Variants in PCDHGA10 observed in about 807,000 individuals in gnomAD.
The protein encoded by PCDHGA10 is protocadherin gamma subfamily A, 10, also known as protocadherin gamma-A10.
Under a neutral mutation model 59.5 loss-of-function variants are expected in PCDHGA10, and 42 were observed. That is an observed-to-expected ratio of 0.71 (90% confidence interval 0.55 to 0.91). PCDHGA10 has a LOEUF of 0.91. PCDHGA10 is among the 40% of genes least tolerant of loss of function. The probability of loss-of-function intolerance (pLI) is 0.00; values close to 1 mark genes in which losing one functional copy is unlikely to be tolerated. For synonymous variants in PCDHGA10, 511 were observed against 517.2 expected (o/e 0.99, Z 0.16); for missense variants, 1,111 against 1,198.2 (o/e 0.93, Z 1.07).
At chr5:141,458,264 G>A (rs1489144612) in intron 1 of PCDHGA10, among the ~76,000 whole-genome samples, 3 of 152,092 alleles carry the variant, frequency 2.0e-5, no homozygotes, top group Non-Finnish European at 2.9e-5. Flanking sequence ...GATGAGTGGA[G>A]GAACAACAGG....
At chr5:141,448,305 A>C (rs910461420) in intron 1 of PCDHGA10, among the ~76,000 whole-genome samples, 1 of 152,092 alleles carries the variant, frequency 6.6e-6, no homozygotes, top group East Asian at 1.9e-4. Context: ...TTAATATCTC[A>C]AGGAATCTTT....
chr5:141,480,970 A>C (rs1189003084), intron 1 of PCDHGA10, among the ~76,000 whole-genome samples: 1 of 152,120 alleles, frequency 6.6e-6, no homozygotes, highest in Non-Finnish European at 1.5e-5. Flanking sequence ...AGTGAGGGAG[A>C]ATCAGTGAAC....
chr5:141,449,147 G>T (rs2098630156), intron 1 of PCDHGA10, among the ~76,000 whole-genome samples: 1 of 152,110 alleles, frequency 6.6e-6, no homozygotes, highest in African/African-American at 2.4e-5. Flanking sequence ...AAATTGCTGG[G>T]TCAAAGAGGA....
In PCDHGA10 at chr5:141,415,239, T is replaced by G. The variant is rs781763142; in HGVS notation, c.2064T>G (p.Ser688=). The G allele has an allele frequency of 8.1e-6, 13 of 1,614,068 alleles. No individual in the cohort carries two copies. The South Asian group carries it at 1.3e-4, about 16-fold the overall frequency. ...DLGSFESPAN[S]ETSDLTLYLV... The stretch of plus-strand genomic sequence containing the variant: ...GCAGCTTCGAGTCTCCAGCTAACTC[T>G]GAAACCTCAGACCTCACTCTGTACC... Residue 688 remains serine (S), a synonymous_variant, in exon 1 of 4, where the codon TCT becomes TCG. Coordinates refer to ENST00000398610, the MANE Select transcript of PCDHGA10 (RefSeq NM_018913.3).
intron 1 of PCDHGA10, among the ~76,000 whole-genome samples, chr5:141,473,661 G>T (rs935648567): frequency 2.6e-5 from 4 of 152,172 alleles, no homozygotes; most frequent in Non-Finnish European, 4.4e-5. Context: ...TTGTGTGAAG[G>T]CCCTGAGACA....
chr5:141,426,629 T>G (rs1384012221), intron 1 of PCDHGA10: 4 of 397,284 alleles, frequency 1.0e-5, no homozygotes, highest in South Asian at 7.2e-5. Context: ...CTCTAAATGT[T>G]TTTCACATAA....
chr5:141,444,588 A>G (rs1486905298), intron 1 of PCDHGA10, among the ~76,000 whole-genome samples: 1 of 152,138 alleles, frequency 6.6e-6, no homozygotes, highest in Non-Finnish European at 1.5e-5. Flanking sequence ...CTTTCTACTT[A>G]CCTTATTTAA....
chr5:141,426,104 A>T (rs2096915289), intron 1 of PCDHGA10, among the ~76,000 whole-genome samples: 1 of 152,258 alleles, frequency 6.6e-6, no homozygotes, highest in Non-Finnish European at 1.5e-5. Flanking sequence ...GTTCAGTCAC[A>T]GAAGCAAGTC....
intron 1 of PCDHGA10, among the ~76,000 whole-genome samples, chr5:141,454,796 ATTTTTTTTTTTTT>A (rs61612330): frequency 7.8e-5 from 6 of 77,408 alleles, no homozygotes; most frequent in African/African-American, 1.2e-4. Flanking sequence ...CATGGTTCTA[ATTTTTTTTTTTTT>A]TTTTTTTTTT....
intron 1 of PCDHGA10, chr5:141,478,053 T>A (rs1461280529): frequency 1.2e-6 from 2 of 1,614,010 alleles, no homozygotes; most frequent in Non-Finnish European, 1.7e-6. Context: ...ACTCTCACGG[T>A]CTTGATCAAA....
In PCDHGA10 at chr5:141,489,365, G is replaced by A. The variant is rs774363104; in HGVS notation, c.2437-5442G>A. ...TCAGTGGTGGAGGAGTCTGAGCCGG[G>A]GACGCTGGTGGGGAATGTTGCTCAG... On this transcript the variant is annotated intron_variant, in intron 1 of 3. Transcript: ENST00000398610. The surrounding 1 kb of genome is among the most constrained non-coding windows in gnomAD (Gnocchi z 4.5). The A allele has an allele frequency of 6.2e-7, 1 of 1,613,512 alleles. No individual in the cohort carries two copies.
At chr5:141,430,888 T>C (rs1447560622) in intron 1 of PCDHGA10, 5 of 1,605,402 alleles carry the variant, frequency 3.1e-6, no homozygotes, top group Admixed American at 1.7e-5. Context: ...AGAAAGGCTC[T>C]AGGGTGGGCG....
chr5:141,446,594 A>G (rs571957656), intron 1 of PCDHGA10, among the ~76,000 whole-genome samples: 8 of 152,136 alleles, frequency 5.3e-5, no homozygotes, highest in African/African-American at 1.9e-4. Flanking sequence ...CTTCTGCCTC[A>G]GCCTCCTGAG....
At position 141,508,909 on chromosome 5, in the gene PCDHGA10, G is replaced by A. The variant is rs545345992; in HGVS notation, c.2585-2038G>A. ...GAGGGGAGGGGGCGGGGCGGTGGCG[G>A]ATCTGGCTTCCTTTTGGAGTTAATT... is the stretch of plus-strand genomic sequence containing the variant. On this transcript the variant is annotated intron_variant, in intron 3 of 3. Coordinates refer to ENST00000398610, the MANE Select transcript of PCDHGA10 (RefSeq NM_018913.3). 2.0e-5 allele frequency among the ~76,000 whole-genome samples: 3 copies of A among 152,202 alleles called. No homozygotes were observed. The South Asian group carries it at 6.2e-4, about 32-fold the overall frequency.
intron 1 of PCDHGA10, chr5:141,419,312 G>A (rs35892780): frequency 1.2e-6 from 2 of 1,613,962 alleles, no homozygotes; most frequent in South Asian, 2.2e-5. Context: ...CGGGCTCAAC[G>A]GCCGTGTCTC....
In PCDHGA10 at chr5:141,510,992, T is replaced by C. The variant is rs879030278; in HGVS notation, c.2630T>C (p.Met877Thr). The change falls in exon 4 of 4, where the codon ATG (methionine) becomes ACG (threonine). Residue 877 changes from methionine to threonine, a missense_variant. By Grantham distance (81) the Met-to-Thr change is moderately conservative. Coordinates refer to ENST00000398610, the MANE Select transcript of PCDHGA10 (RefSeq NM_018913.3). ...SSTLGGGAGT[M>T]GLSARYGPQF... is the part of the protein sequence containing the mutation. ...ACCCTGGGAGGGGGTGCCGGCACCA[T>C]GGGATTGAGCGCCCGCTACGGACCC... The C allele has an allele frequency of 1.9e-6, 3 of 1,614,164 alleles. No individual in the cohort carries two copies. The highest frequency in any genetic ancestry group is 2.5e-6 in the Non-Finnish European group (3 of 1,180,006).
chr5:141,485,374 T>A lies in PCDHGA10; in HGVS notation c.2437-9433T>A. Reference sequence around the variant, plus strand: ...TGTCAGCTCGCAGGCTGCAGGTCGCTGGAGAGGTGAACCAAAGACACTTCC... The same window carrying A: ...TGTCAGCTCGCAGGCTGCAGGTCGCAGGAGAGGTGAACCAAAGACACTTCC... On this transcript the variant is annotated intron_variant, in intron 1 of 3. Coordinates refer to ENST00000398610, the MANE Select transcript of PCDHGA10 (RefSeq NM_018913.3). The surrounding 1 kb of genome is among the most constrained non-coding windows in gnomAD (Gnocchi z 5.7). The A allele has an allele frequency of 1.2e-6, 2 of 1,614,082 alleles. No homozygotes were observed. Among genetic ancestry groups the A allele is most frequent in the Non-Finnish European group, 1.7e-6 (2 of 1,179,998 alleles).
At position 141,477,483 on chromosome 5, in the gene PCDHGA10, A is replaced by T; in HGVS notation, c.2437-17324A>T. ...TCCGACATCAATGACAACCCTCCAC[A>T]ATCTTCTCAATCTTCCTACGACGTT... On this transcript the variant is annotated intron_variant, in intron 1 of 3. Coordinates refer to ENST00000398610, the MANE Select transcript of PCDHGA10 (RefSeq NM_018913.3). The surrounding 1 kb of genome is among the most constrained non-coding windows in gnomAD (Gnocchi z 4.9). 1 of 1,614,028 alleles carries T rather than the reference A, an allele frequency of 6.2e-7. No homozygotes were observed.
chr5:141,454,076 T>A (rs190918056), intron 1 of PCDHGA10, among the ~76,000 whole-genome samples: 2 of 152,352 alleles, frequency 1.3e-5, no homozygotes, highest in East Asian at 3.8e-4. Flanking sequence ...TGATAATGTT[T>A]TCAGTGAAAT....
Sources: allele counts gnomAD v4.1 joint callset (sites outside exome capture counted in the v4.1 genomes callset), GRCh38; gene constraint gnomAD v4.1.1; non-coding constraint Gnocchi (gnomAD v3.1); transcripts MANE v1.5; gene names NCBI Gene and HGNC (gene_info 2026-07-23, HGNC 2026-07-21).